The following SLC8A1 variants were observed in gnomAD, a reference collection of about 807,000 sequenced individuals.
SLC8A1 encodes solute carrier family 8 member A1, also known as sodium/calcium exchanger 1.
Under a neutral mutation model 68.3 loss-of-function variants are expected in SLC8A1, and 18 were observed. The ratio of observed to expected loss-of-function variants is 0.26; its 90% CI spans 0.18 to 0.39. SLC8A1 has a LOEUF of 0.39. Among genes scored for constraint, SLC8A1 ranks in the 10% least tolerant of loss-of-function variants. The pLI, the probability that SLC8A1 is intolerant of heterozygous loss-of-function variation, is 1.00. For missense variants in SLC8A1, 985 were observed against 1,156.7 expected (o/e 0.85, Z 2.15); for synonymous variants, 475 against 415.5 (o/e 1.14, Z -1.74).
chr2:40,510,701 CTCTCTT>C (rs1313035447), intron 1 of SLC8A1, among the ~76,000 whole-genome samples: 2 of 152,124 alleles, frequency 1.3e-5, no homozygotes, highest in Admixed American at 6.6e-5. Flanking sequence ...TATTCTCTCT[CTCTCTT>C]TCTAACTCTC....
At chr2:40,423,107 C>G (rs1470808734) in intron 2 of SLC8A1, among the ~76,000 whole-genome samples, 3 of 151,970 alleles carry the variant, frequency 2.0e-5, no homozygotes. Context: ...GTTTAAGTAC[C>G]CTTATAATGA....
chr2:40,407,914 G>C (rs1186588766), intron 2 of SLC8A1, among the ~76,000 whole-genome samples: 1 of 152,106 alleles, frequency 6.6e-6, no homozygotes, highest in Non-Finnish European at 1.5e-5. Context: ...CTATCCTGTG[G>C]ATCTTCACTG....
chr2:40,395,458 G>C (rs1686620414), intron 2 of SLC8A1, among the ~76,000 whole-genome samples: 1 of 152,098 alleles, frequency 6.6e-6, no homozygotes, highest in African/African-American at 2.4e-5. Flanking sequence ...AGGACCACCA[G>C]ATTCTTCCTA....
intron 2 of SLC8A1, among the ~76,000 whole-genome samples, chr2:40,312,972 GTA>G (rs1188373318): frequency 1.3e-5 from 2 of 151,868 alleles, no homozygotes; most frequent in African/African-American, 4.8e-5. Context: ...GTATATGTGT[GTA>G]TAAAATATAT....
intron 6 of SLC8A1, among the ~76,000 whole-genome samples, chr2:40,158,757 G>A (rs1249630922): frequency 6.6e-6 from 1 of 152,134 alleles, no homozygotes; most frequent in African/African-American, 2.4e-5. Context: ...CTAAAGACAT[G>A]TTGCCTCTCT....
chr2:40,418,839 G>C (rs563885059), intron 2 of SLC8A1, among the ~76,000 whole-genome samples: 2 of 152,286 alleles, frequency 1.3e-5, no homozygotes, highest in African/African-American at 4.8e-5. Flanking sequence ...GGACAGGAGA[G>C]GAGAGAGAGC....
intron 2 of SLC8A1, among the ~76,000 whole-genome samples, chr2:40,420,664 C>T (rs972544508): frequency 6.6e-6 from 1 of 152,084 alleles, no homozygotes. Flanking sequence ...GAGTGGGGCA[C>T]GGGGTGCAAT....
intron 4 of SLC8A1, among the ~76,000 whole-genome samples, chr2:40,167,153 G>A (rs188651413): frequency 2.0e-5 from 3 of 152,292 alleles, no homozygotes; most frequent in African/African-American, 7.2e-5. Context: ...TACAATGAGT[G>A]AAAAGGTTCT....
intron 2 of SLC8A1, among the ~76,000 whole-genome samples, chr2:40,362,220 T>G (rs1017178198): frequency 1.9e-4 from 29 of 151,800 alleles, no homozygotes; most frequent in African/African-American, 6.8e-4. Context: ...TGACTAAGTT[T>G]GGAAGTAAGA....
chr2:40,409,689 G>C (rs182602103), intron 2 of SLC8A1, among the ~76,000 whole-genome samples: 3 of 152,248 alleles, frequency 2.0e-5, no homozygotes, highest in Admixed American at 6.6e-5. Context: ...GCATGCTCAA[G>C]GTTTTGGAGT....
chr2:40,357,961 G>A (rs1673255503), intron 2 of SLC8A1, among the ~76,000 whole-genome samples: 1 of 147,054 alleles, frequency 6.8e-6, no homozygotes, highest in Middle Eastern at 3.6e-3. Flanking sequence ...ATTTTATCCT[G>A]ATGTGTTTGT....
chr2:40,340,349 T>G (rs1319216979), intron 2 of SLC8A1, among the ~76,000 whole-genome samples: 1 of 152,056 alleles, frequency 6.6e-6, no homozygotes, highest in Non-Finnish European at 1.5e-5. Context: ...TCACTTGAGG[T>G]CAGGAGTTTG....
chr2:40,283,294 C>T (rs1282531825), intron 2 of SLC8A1, among the ~76,000 whole-genome samples: 1 of 152,174 alleles, frequency 6.6e-6, no homozygotes, highest in Non-Finnish European at 1.5e-5. Flanking sequence ...ATAGTAAGAG[C>T]CTGATGCTAT....
rs140461443 is a variant in SLC8A1, at chr2:40,317,250, GAGAC to G, written c.1808+111219_1808+111222del. Among the ~76,000 whole-genome samples, 1,011 of 152,088 alleles carry G rather than the reference GAGAC, an allele frequency of 6.6e-3. 13 individuals carry two copies. The highest frequency in any genetic ancestry group is 0.023 in the African/African-American group (959 of 41,528). ...AACTCCTCTCTGTTATTTATTACTGGAGACAGACAGTATCCATCACTTCTCAGAT... is the reference window on the plus strand; with the variant it reads ...AACTCCTCTCTGTTATTTATTACTGGAGACAGTATCCATCACTTCTCAGAT... On this transcript the variant is annotated intron_variant, in intron 2 of 7. Coordinates refer to ENST00000406785, the Ensembl canonical transcript of SLC8A1.
chr2:40,124,600 A>C (rs189581836), intron 7 of SLC8A1, among the ~76,000 whole-genome samples: 53 of 152,326 alleles, frequency 3.5e-4, no homozygotes, highest in African/African-American at 1.2e-3. Flanking sequence ...ACAAAAAAGC[A>C]TATGTGCCTA....
chr2:40,389,485 G>A (rs991249815), intron 2 of SLC8A1, among the ~76,000 whole-genome samples: 1 of 151,876 alleles, frequency 6.6e-6, no homozygotes, highest in African/African-American at 2.4e-5. Context: ...CTAAGTTTTA[G>A]CAAATAAAAT....
intron 1 of SLC8A1, among the ~76,000 whole-genome samples, chr2:40,442,998 A>C (rs1238536832): frequency 1.3e-5 from 2 of 150,964 alleles, no homozygotes; most frequent in Non-Finnish European, 1.5e-5. Flanking sequence ...GCAAACTAAC[A>C]TAGGAACAGA....
At chr2:40,206,130 T>C (rs930583179) in intron 2 of SLC8A1, among the ~76,000 whole-genome samples, 4 of 152,074 alleles carry the variant, frequency 2.6e-5, no homozygotes, top group Non-Finnish European at 5.9e-5. Context: ...ACAATTATAA[T>C]TGAATCAACA....
chr2:40,422,332 A>G (rs1695744635), intron 2 of SLC8A1, among the ~76,000 whole-genome samples: 2 of 152,176 alleles, frequency 1.3e-5, no homozygotes, highest in Admixed American at 1.3e-4. Flanking sequence ...ATTTTATAGG[A>G]AAACCTCAAT....
Sources: allele counts gnomAD v4.1 joint callset (sites outside exome capture counted in the v4.1 genomes callset), GRCh38; gene constraint gnomAD v4.1.1; transcripts MANE v1.5; gene names NCBI Gene and HGNC (gene_info 2026-07-23, HGNC 2026-07-21).